Variants in ERCC6 observed in about 807,000 individuals in gnomAD.
The protein encoded by ERCC6 is ERCC excision repair 6, chromatin remodeling factor, also known as DNA excision repair protein ERCC-6.
ERCC6 carries 116 observed loss-of-function variants against 158.7 expected under a neutral mutation model. The ratio of observed to expected loss-of-function variants is 0.73; its 90% CI spans 0.63 to 0.85. The LOEUF is 0.85. Among genes scored for constraint, ERCC6 ranks in the 40% least tolerant of loss-of-function variants. The pLI, the probability that ERCC6 is intolerant of heterozygous loss-of-function variation, is 0.00. For synonymous variants in ERCC6, 678 were observed against 659.3 expected (o/e 1.03, Z -0.43); for missense variants, 1,698 against 1,799.4 (o/e 0.94, Z 1.02).
chr10:49,451,285 T>A (rs559625360), downstream of ERCC6, among the ~76,000 whole-genome samples: 3 of 151,690 alleles, frequency 2.0e-5, no homozygotes, highest in African/African-American at 7.2e-5. Context: ...TCTTCTTGCA[T>A]AATTGCAATG....
At chr10:49,517,647 G>A (rs1333795421) in intron 5 of ERCC6, among the ~76,000 whole-genome samples, 1 of 150,378 alleles carries the variant, frequency 6.6e-6, no homozygotes, top group Admixed American at 6.6e-5. Context: ...TTTCTCTCAG[G>A]CTCCAGTGAT....
the ERCC6 span, among the ~76,000 whole-genome samples, chr10:49,443,820 G>T: frequency 6.6e-6 from 1 of 152,216 alleles, no homozygotes; most frequent in Non-Finnish European, 1.5e-5. Flanking sequence ...GTGTGTAGTA[G>T]CTGTACCACT....
chr10:49,536,315 T>C (rs976164178), intron 1 of ERCC6, among the ~76,000 whole-genome samples: 25 of 151,888 alleles, frequency 1.6e-4, no homozygotes, highest in African/African-American at 5.8e-4. Flanking sequence ...GGGAGAGAAC[T>C]AGGGCAAGAA....
At chr10:49,480,827 G>GT (rs748511167) in intron 10 of ERCC6, among the ~76,000 whole-genome samples, 1 of 152,166 alleles carries the variant, frequency 6.6e-6, no homozygotes, top group Non-Finnish European at 1.5e-5. Context: ...ATGAAGAAAT[G>GT]TAAGGCAAAC....
At chr10:49,445,762 T>C in the ERCC6 span, among the ~76,000 whole-genome samples, 18 of 152,038 alleles carry the variant, frequency 1.2e-4, no homozygotes, top group Non-Finnish European at 1.6e-4. Flanking sequence ...ATAAATAGAG[T>C]GGTCCATATT....
rs797021174 is a variant in ERCC6, at chr10:49,456,085, G to A, written c.*2730C>T. 6.6e-6 allele frequency: 1 copy of A among 152,120 alleles called. No individual in the cohort carries two copies. The highest frequency in any genetic ancestry group is 2.1e-4 in the South Asian group (1 of 4,822). The allele number at this position is 152,120 out of a possible 1,614,324, so 9.4% of individuals were successfully genotyped here. Reference sequence around the variant, plus strand: ...AGTTGCAAAATAAGGATGGTATAAGGCCATTAATATAAATTACATATTTAA... The same window carrying A: ...AGTTGCAAAATAAGGATGGTATAAGACCATTAATATAAATTACATATTTAA... On this transcript the variant is annotated 3_prime_UTR_variant, in exon 21 of 21. Coordinates refer to ENST00000355832, the MANE Select transcript of ERCC6 (RefSeq NM_000124.4).
At chr10:49,517,202 AAACCC>A (rs1837004978) in intron 5 of ERCC6, 1 of 1,498,450 alleles carries the variant, frequency 6.7e-7, no homozygotes, top group African/African-American at 1.4e-5. Flanking sequence ...GAAAAATGTC[AAACCC>A]ATAACTAATG....
chr10:49,443,133 T>C, the ERCC6 span, among the ~76,000 whole-genome samples: 3 of 152,208 alleles, frequency 2.0e-5, no homozygotes, highest in South Asian at 2.1e-4. Flanking sequence ...AGAACAGACA[T>C]TGAATGGGAA....
At chr10:49,512,324 A>G (rs1185245815) in intron 5 of ERCC6, among the ~76,000 whole-genome samples, 1 of 152,214 alleles carries the variant, frequency 6.6e-6, no homozygotes, top group African/African-American at 2.4e-5. Flanking sequence ...CATCTACCTC[A>G]GAATACAACT....
At chr10:49,530,912 G>T (rs1440125762) in intron 2 of ERCC6, 72 bp from the exon 3 acceptor site, 8 of 1,580,422 alleles carry the variant, frequency 5.1e-6, no homozygotes, top group Non-Finnish European at 6.9e-6. Flanking sequence ...AGAGAAAAAT[G>T]CTAAAAACAT....
At position 49,524,514 on chromosome 10, in the gene ERCC6, C is replaced by A. The variant is rs760618206; in HGVS notation, c.916G>T (p.Ala306Ser). 7 of 1,614,182 alleles carry A rather than the reference C, an allele frequency of 4.3e-6. No homozygotes were observed. Among genetic ancestry groups the A allele is most frequent in the South Asian group, 2.2e-5 (2 of 91,080 alleles). The change falls in exon 5 of 21, where the codon GCC becomes TCC. Residue 306 changes from alanine to serine, a missense_variant. Physicochemically the swap from Ala to Ser is moderately conservative, Grantham distance 99. Coordinates refer to ENST00000355832, the MANE Select transcript of ERCC6 (RefSeq NM_000124.4). ...RKAPAPVTPP[A>S]PVQNKNKPNK... ...GGTTTGTTTTTATTTTGCACTGGGG[C>A]TGGAGGCGTGACTGGGGCTGGAGCT... is the stretch of plus-strand genomic sequence containing the variant.
chr10:49,446,760 G>C, the ERCC6 span, among the ~76,000 whole-genome samples: 1 of 152,298 alleles, frequency 6.6e-6, no homozygotes, highest in Non-Finnish European at 1.5e-5. Flanking sequence ...TATGATCTGA[G>C]CTATGATCGT....
chr10:49,500,514 G>T, intron 7 of ERCC6, 24 bp downstream of exon 7: 1 of 1,612,150 alleles, frequency 6.2e-7, no homozygotes. Flanking sequence ...TCCACAGACT[G>T]ACAGTCTGCA....
At chr10:49,449,638 G>A (rs73297734), downstream of ERCC6, among the ~76,000 whole-genome samples, 3,262 of 128,486 alleles carry the variant, frequency 0.025, 141 homozygotes, top group African/African-American at 0.09. Context: ...GCACAATCTC[G>A]GCTCCTGGGT....
Position 49,493,215 on chromosome 10 carries a change from T to C in ERCC6, c.1723A>G (p.Thr575Ala), listed in dbSNP as rs1192570117. ...GLGPTVIVCP[T>A]TVMHQWVKEF... is the part of the protein sequence containing the mutation. ...TTCACCCACTGATGCATCACTGTTG[T>C]TGGACAGACAATTACAGTTGGACCC... Residue 575 changes from threonine (T) to alanine (A), a missense_variant, in exon 8 of 21, where the codon ACA becomes GCA. Physicochemically the swap from Thr to Ala is moderately conservative, Grantham distance 58. Coordinates refer to ENST00000355832, the MANE Select transcript of ERCC6 (RefSeq NM_000124.4). 3.1e-6 allele frequency: 5 copies of C among 1,614,146 alleles called. No individual in the cohort carries two copies. The highest frequency in any genetic ancestry group is 4.2e-6 in the Non-Finnish European group (5 of 1,180,014).
intron 1 of ERCC6, among the ~76,000 whole-genome samples, chr10:49,534,757 T>C (rs1837559263): frequency 1.3e-5 from 2 of 152,264 alleles, no homozygotes; most frequent in African/African-American, 4.8e-5. Context: ...TCTTGCTTTT[T>C]GTTTAACTGT....
intron 4 of ERCC6, among the ~76,000 whole-genome samples, chr10:49,527,577 A>G (rs929593656): frequency 1.3e-5 from 2 of 152,344 alleles, no homozygotes; most frequent in Admixed American, 1.3e-4. Flanking sequence ...TGGGAGGCTG[A>G]GGCAGGAGAA....
At chr10:49,502,718 T>C (rs1322903676) in intron 6 of ERCC6, 1 of 152,154 alleles carries the variant, frequency 6.6e-6, no homozygotes, top group Non-Finnish European at 1.5e-5. Context: ...ATGGGACATT[T>C]GGCAATGTCT....
Position 49,499,624 on chromosome 10 carries a change from G to A in ERCC6, c.1685+914C>T, listed in dbSNP as rs542979551. On this transcript the variant is annotated intron_variant, in intron 7 of 20. Transcript: ENST00000355832. ...AAGCCTACTGAAACACAAGGAGCTC[G>A]GACTTATCTGGGTTCAGTATGATGA... Among the ~76,000 whole-genome samples the A allele has an allele frequency of 4.6e-5, 7 of 152,200 alleles. No individual in the cohort carries two copies. The East Asian group carries it at 5.8e-4, about 13-fold the overall frequency.
Sources: allele counts gnomAD v4.1 joint callset (sites outside exome capture counted in the v4.1 genomes callset), GRCh38; gene constraint gnomAD v4.1.1; transcripts MANE v1.5; gene names NCBI Gene and HGNC (gene_info 2026-07-23, HGNC 2026-07-21).